Variants in PCDHA9 observed in about 807,000 individuals in gnomAD.
The protein encoded by PCDHA9 is protocadherin alpha 9.
PCDHA9 carries 62 observed loss-of-function variants against 62.0 expected under a neutral mutation model. The ratio of observed to expected loss-of-function variants is 1.00; its 90% CI spans 0.81 to 1.23. The LOEUF is 1.23. Ranked by LOEUF, PCDHA9 falls within the 50% of genes most tolerant of loss-of-function variation. The pLI is 0.00. For synonymous variants in PCDHA9, 557 were observed against 567.6 expected (o/e 0.98, Z 0.27); for missense variants, 1,205 against 1,249.8 (o/e 0.96, Z 0.54).
At chr5:140,969,601 T>C (rs2096345611) in intron 1 of PCDHA9, 1 of 772,836 alleles carries the variant, frequency 1.3e-6, no homozygotes, top group African/African-American at 1.8e-5. Flanking sequence ...TATTTAATGC[T>C]AAAACACAGA....
chr5:140,913,448 G>A (rs185287281), intron 1 of PCDHA9, among the ~76,000 whole-genome samples: 8 of 152,012 alleles, frequency 5.3e-5, no homozygotes, highest in African/African-American at 1.2e-4. Flanking sequence ...TTTCAGCTCC[G>A]ATTTTATTTA....
intron 1 of PCDHA9, chr5:140,968,908 A>G: frequency 6.2e-7 from 1 of 1,614,182 alleles, no homozygotes; most frequent in Non-Finnish European, 8.5e-7. Context: ...CATTAAGCAC[A>G]GTGTCTTTTA....
intron 2 of PCDHA9, among the ~76,000 whole-genome samples, chr5:140,979,601 C>T (rs1214449101): frequency 1.3e-5 from 2 of 152,160 alleles, no homozygotes; most frequent in African/African-American, 4.8e-5. Context: ...TTTAAATTAA[C>T]CTAGAGTAAC....
chr5:140,954,297 C>G (rs1369831854), intron 1 of PCDHA9, among the ~76,000 whole-genome samples: 1 of 152,298 alleles, frequency 6.6e-6, no homozygotes, highest in African/African-American at 2.4e-5. Context: ...TGGGTACATA[C>G]CCAGTAATGG....
intron 3 of PCDHA9, among the ~76,000 whole-genome samples, chr5:141,002,788 A>G (rs1013908430): frequency 6.6e-6 from 1 of 152,192 alleles, no homozygotes; most frequent in Admixed American, 6.5e-5. Context: ...TCTCCATTTT[A>G]TGGATGAGGA....
Position 140,856,043 on chromosome 5 carries a change from G to A in PCDHA9, c.2394+5154G>A. On this transcript the variant is annotated intron_variant, in intron 1 of 3. Coordinates refer to ENST00000532602, the MANE Select transcript of PCDHA9 (RefSeq NM_031857.2). The stretch of plus-strand genomic sequence containing the variant: ...TCGTCGATTTGTAAAACAAGAGAAG[G>A]ATAAGATGGTTTCCAGATGTAGCTG... The A allele has an allele frequency of 3.8e-6, 6 of 1,581,380 alleles. 1 individual carries two copies. The highest frequency in any genetic ancestry group is 5.2e-6 in the Non-Finnish European group (6 of 1,157,972).
At chr5:140,917,637 A>T (rs1257346290) in intron 1 of PCDHA9, among the ~76,000 whole-genome samples, 1 of 152,192 alleles carries the variant, frequency 6.6e-6, no homozygotes, top group Non-Finnish European at 1.5e-5. Context: ...TTAGCTAGTT[A>T]TCCCAGCAAT....
chr5:140,860,192 C>CATATATATATATATATATATATATATAT (rs143984774), intron 1 of PCDHA9: 29 of 146,842 alleles, frequency 2.0e-4, no homozygotes, highest in South Asian at 1.3e-3. Context: ...GCTCTCCTTA[C>CATATATATATATATATATATATATATAT]ATATATATCT....
chr5:140,868,183 T>A (rs1286748964), intron 1 of PCDHA9: 2 of 152,160 alleles, frequency 1.3e-5, no homozygotes, highest in African/African-American at 4.8e-5. Flanking sequence ...TCTCATATTA[T>A]GCTACTATGG....
intron 1 of PCDHA9, among the ~76,000 whole-genome samples, chr5:140,904,827 T>A (rs1554191731): frequency 2.0e-5 from 3 of 152,064 alleles, no homozygotes; most frequent in African/African-American, 7.2e-5. Context: ...AGCATTTTTT[T>A]ATATGTTTCA....
intron 1 of PCDHA9, among the ~76,000 whole-genome samples, chr5:140,897,778 T>C (rs1402383058): frequency 2.0e-5 from 3 of 152,208 alleles, no homozygotes; most frequent in Non-Finnish European, 2.9e-5. Context: ...ACTTCCACAA[T>C]GGTTGAACTA....
intron 1 of PCDHA9, among the ~76,000 whole-genome samples, chr5:140,944,325 T>C (rs1179163685): frequency 1.3e-5 from 2 of 152,196 alleles, no homozygotes; most frequent in East Asian, 3.9e-4. Context: ...GTAGCTGGGA[T>C]TACAAGCACG....
rs782751899 is a variant in PCDHA9 at position 140,967,272 on chromosome 5, T to G, written c.2395-11677T>G. The G allele has an allele frequency of 1.2e-6, 2 of 1,613,412 alleles. No homozygotes were observed. Among genetic ancestry groups the G allele is most frequent in the East Asian group, 2.2e-5 (1 of 44,860 alleles). On this transcript the variant is annotated intron_variant, in intron 1 of 3. Transcript: ENST00000532602. ...GTGGCGCCTGGAGCGCGCTTTCACA[T>G]AGAGAGTGCGCAGGACCCCGACGTG...
chr5:140,985,739 C>CTTTTT (rs11372071), intron 3 of PCDHA9, among the ~76,000 whole-genome samples: 4 of 117,922 alleles, frequency 3.4e-5, no homozygotes, highest in East Asian at 2.5e-4. Flanking sequence ...TGATGAATTC[C>CTTTTT]TTTTTTTTTT....
At chr5:140,859,551 A>G (rs1258931011) in intron 1 of PCDHA9, 1 of 180,640 alleles carries the variant, frequency 5.5e-6, no homozygotes, top group African/African-American at 2.4e-5. Flanking sequence ...AGTGTTACCA[A>G]ACACCAATGC....
At chr5:140,993,817 T>C (rs1467199618) in intron 3 of PCDHA9, among the ~76,000 whole-genome samples, 2 of 152,240 alleles carry the variant, frequency 1.3e-5, no homozygotes, top group Non-Finnish European at 2.9e-5. Context: ...CTAGGAGCAA[T>C]AGGCTATACC....
At chr5:140,910,719 C>T (rs527945930) in intron 1 of PCDHA9, among the ~76,000 whole-genome samples, 44 of 152,216 alleles carry the variant, frequency 2.9e-4, no homozygotes, top group African/African-American at 1.0e-3. Context: ...TCTTTTAATC[C>T]ATATTTCAGC....
rs565763627 is a variant in PCDHA9, at chr5:140,989,336, C to G, written c.2542+6773C>G. ...GTCTCACCAACTTTGCCACCTGACT[C>G]AGCTCAAAGGTGATAGGTCACCTGT... is the stretch of plus-strand genomic sequence containing the variant. On this transcript the variant is annotated intron_variant, in intron 3 of 3. Transcript: ENST00000532602. Among the ~76,000 whole-genome samples, 6 of 152,272 alleles carry G rather than the reference C, an allele frequency of 3.9e-5. 1 individual carries two copies. In the South Asian group the frequency reaches 1.0e-3, roughly 26 times the overall value.
In PCDHA9 at chr5:141,012,190, T is replaced by C. The variant is rs1002658582; in HGVS notation, c.*2253T>C. On this transcript the variant is annotated 3_prime_UTR_variant, in exon 4 of 4. Transcript: ENST00000532602. ...TTAATGATGATAATTATAATGTATCTGTACAGCACTTTTTACATTTGCGAA... is the reference window on the plus strand; with the variant it reads ...TTAATGATGATAATTATAATGTATCCGTACAGCACTTTTTACATTTGCGAA... The C allele has an allele frequency of 2.0e-5, 3 of 153,780 alleles. No homozygotes were observed. Among genetic ancestry groups the C allele is most frequent in the African/African-American group, 7.2e-5 (3 of 41,458 alleles). 9.5% of individuals were successfully genotyped at this position (153,780 alleles called of 1,614,324 possible).
Sources: allele counts gnomAD v4.1 joint callset (sites outside exome capture counted in the v4.1 genomes callset), GRCh38; gene constraint gnomAD v4.1.1; transcripts MANE v1.5; gene names NCBI Gene and HGNC (gene_info 2026-07-23, HGNC 2026-07-21).